Variants in TMEM132C observed in about 807,000 individuals in gnomAD.
The protein encoded by TMEM132C is transmembrane protein 132C.
TMEM132C carries 29 observed loss-of-function variants against 61.4 expected under a neutral mutation model. The observed-to-expected ratio is 0.47, with a 90% CI of 0.35 to 0.64. The LOEUF (loss-of-function observed/expected upper bound fraction) is 0.64. Ranked by LOEUF, TMEM132C falls within the 30% of genes least tolerant of loss-of-function variation. TMEM132C has a pLI of 0.00. For synonymous variants in TMEM132C, 656 were observed against 633.1 expected, an observed-to-expected ratio of 1.04 and a Z score of -0.54; for missense variants, 1,408 against 1,476.9, an observed-to-expected ratio of 0.95 and a Z score of 0.76.
chr12:128,637,072 G>T (rs1415387502), intron 4 of TMEM132C, among the ~76,000 whole-genome samples: 3 of 152,200 alleles, frequency 2.0e-5, no homozygotes, highest in Admixed American at 6.5e-5. Flanking sequence ...AAATATAGGT[G>T]TGCAGATAAC....
intron 1 of TMEM132C, among the ~76,000 whole-genome samples, chr12:128,351,181 A>G (rs578035547): frequency 8.7e-4 from 132 of 152,234 alleles, no homozygotes; most frequent in Admixed American, 1.4e-3. Flanking sequence ...TTTGAATTCA[A>G]TGGGAAGCTG....
chr12:128,667,633 A>G (rs1954491925), intron 4 of TMEM132C, among the ~76,000 whole-genome samples: 1 of 152,198 alleles, frequency 6.6e-6, no homozygotes, highest in African/African-American at 2.4e-5. Context: ...GAACGGAGAA[A>G]ATCTTTTTCC....
chr12:128,301,125 G>T (rs1043763615), intron 1 of TMEM132C, among the ~76,000 whole-genome samples: 6 of 152,170 alleles, frequency 3.9e-5, no homozygotes, highest in African/African-American at 1.4e-4. Context: ...AACAAACAAT[G>T]AATGGAGGAG....
intron 4 of TMEM132C, among the ~76,000 whole-genome samples, chr12:128,643,664 A>G (rs1464280456): frequency 1.3e-5 from 2 of 152,214 alleles, no homozygotes; most frequent in African/African-American, 4.8e-5. Flanking sequence ...ACATCTAATT[A>G]TATGTGTTTT....
intron 4 of TMEM132C, among the ~76,000 whole-genome samples, chr12:128,652,399 G>T (rs1005384400): frequency 6.6e-6 from 1 of 152,206 alleles, no homozygotes; most frequent in Non-Finnish European, 1.5e-5. Context: ...TGGAAGAGAC[G>T]CAGGACCCAA....
intron 1 of TMEM132C, among the ~76,000 whole-genome samples, chr12:128,324,691 C>T (rs192996508): frequency 7.9e-5 from 12 of 152,202 alleles, no homozygotes; most frequent in Admixed American, 5.2e-4. Context: ...GAGACCCTGT[C>T]TCTACAAAAA....
At chr12:128,661,490 T>C (rs1291748315) in intron 4 of TMEM132C, among the ~76,000 whole-genome samples, 1 of 149,672 alleles carries the variant, frequency 6.7e-6, no homozygotes, top group Non-Finnish European at 1.5e-5. Context: ...AAGCACCAAA[T>C]AGCAGGATCA....
In TMEM132C at chr12:128,326,374, A is replaced by G. The variant is rs1017242728; in HGVS notation, c.85+58887A>G. ...AGGGTTTCACTTTTCGAGCTGCCAG[A>G]TCTGCTGGAGAAAATTATAAAGATG... On this transcript the variant is annotated intron_variant, in intron 1 of 8. Transcript: ENST00000435159. The surrounding 1 kb of genome is among the most constrained non-coding windows in gnomAD (Gnocchi z 5.6). Among the ~76,000 whole-genome samples the G allele has an allele frequency of 6.6e-6, 1 of 152,164 alleles. No homozygotes were observed. The highest frequency in any genetic ancestry group is 2.4e-5 in the African/African-American group (1 of 41,442).
intron 1 of TMEM132C, among the ~76,000 whole-genome samples, chr12:128,347,675 G>A (rs1457049352): frequency 3.3e-5 from 5 of 152,258 alleles, no homozygotes; most frequent in South Asian, 2.1e-4. Context: ...TGATCCACCC[G>A]CCTTGGTCTC....
intron 1 of TMEM132C, among the ~76,000 whole-genome samples, chr12:128,347,070 C>A (rs957593422): frequency 6.6e-6 from 1 of 152,174 alleles, no homozygotes; most frequent in African/African-American, 2.4e-5. Context: ...TTTTATCCCT[C>A]AGTTCCCTCT....
In TMEM132C at chr12:128,313,601, A is replaced by G. The variant is rs547778592; in HGVS notation, c.85+46114A>G. Among the ~76,000 whole-genome samples the G allele has an allele frequency of 5.9e-5, 9 of 152,324 alleles. No individual in the cohort carries two copies. In the South Asian group the frequency reaches 1.7e-3, roughly 28 times the overall value. On this transcript the variant is annotated intron_variant, in intron 1 of 8. Transcript: ENST00000435159. ...CAGCAGCAGAACTTTCTTTTCTCCAAGGTCCTGCAGGACAAGGGTTTCTTT... is the reference window on the plus strand; with the variant it reads ...CAGCAGCAGAACTTTCTTTTCTCCAGGGTCCTGCAGGACAAGGGTTTCTTT...
chr12:128,424,487 G>A (rs374661743), intron 2 of TMEM132C, among the ~76,000 whole-genome samples: 32 of 150,268 alleles, frequency 2.1e-4, no homozygotes, highest in African/African-American at 6.8e-4. Context: ...AAAAAGTCAC[G>A]TAATACATGA....
intron 1 of TMEM132C, among the ~76,000 whole-genome samples, chr12:128,303,646 G>T (rs1030040450): frequency 6.6e-6 from 1 of 152,196 alleles, no homozygotes; most frequent in Non-Finnish European, 1.5e-5. Flanking sequence ...TGTTCTCAAC[G>T]TTGCTTGCTA....
chr12:128,487,016 G>A (rs1871521618), intron 2 of TMEM132C, among the ~76,000 whole-genome samples: 2 of 152,066 alleles, frequency 1.3e-5, no homozygotes, highest in African/African-American at 4.8e-5. Context: ...TTGCTACTCT[G>A]TTCTAGAAAC....
intron 3 of TMEM132C, among the ~76,000 whole-genome samples, chr12:128,545,120 TC>T (rs1243860621): frequency 6.6e-6 from 1 of 152,118 alleles, no homozygotes; most frequent in Non-Finnish European, 1.5e-5. Context: ...CTTTATTCCC[TC>T]CCTCTCCCCG....
At chr12:128,299,872 G>C (rs969730692) in intron 1 of TMEM132C, among the ~76,000 whole-genome samples, 1 of 152,188 alleles carries the variant, frequency 6.6e-6, no homozygotes, top group Non-Finnish European at 1.5e-5. Context: ...TAAGATGTTA[G>C]CACTGAGCTG....
At chr12:128,496,938 C>G (rs1207635346) in intron 2 of TMEM132C, among the ~76,000 whole-genome samples, 1 of 152,116 alleles carries the variant, frequency 6.6e-6, no homozygotes, top group Non-Finnish European at 1.5e-5. Flanking sequence ...CTTTTCTGCT[C>G]TGTTTTTTCC....
intron 1 of TMEM132C, among the ~76,000 whole-genome samples, chr12:128,354,318 C>T (rs1021637182): frequency 1.3e-5 from 2 of 149,848 alleles, no homozygotes; most frequent in Middle Eastern, 3.4e-3. Flanking sequence ...GGTGAAGTCT[C>T]CCTCCCTCAC....
intron 2 of TMEM132C, among the ~76,000 whole-genome samples, chr12:128,473,955 C>T (rs995965151): frequency 6.6e-6 from 1 of 152,214 alleles, no homozygotes; most frequent in Non-Finnish European, 1.5e-5. Flanking sequence ...GATCACCAGT[C>T]ACCCACTGCA....
Sources: allele counts gnomAD v4.1 joint callset (sites outside exome capture counted in the v4.1 genomes callset), GRCh38; gene constraint gnomAD v4.1.1; non-coding constraint Gnocchi (gnomAD v3.1); transcripts MANE v1.5; gene names NCBI Gene and HGNC (gene_info 2026-07-23, HGNC 2026-07-21).